FAM13A: variants seen among roughly 807,000 people sequenced by gnomAD.
The protein encoded by FAM13A is family with sequence similarity 13 member A.
A neutral mutation model predicts 129.6 loss-of-function variants in FAM13A; 76 were observed. The ratio of observed to expected loss-of-function variants is 0.59; its 90% CI spans 0.49 to 0.71. The LOEUF is 0.71. Among genes scored for constraint, FAM13A ranks in the 30% least tolerant of loss-of-function variants. The probability of loss-of-function intolerance (pLI) is 0.00; values close to 1 mark genes in which losing one functional copy is unlikely to be tolerated. For synonymous variants in FAM13A, 443 were observed against 449.9 expected, an observed-to-expected ratio of 0.98 and a Z score of 0.20; for missense variants, 1,108 against 1,249.3, an observed-to-expected ratio of 0.89 and a Z score of 1.70.
intron 6 of FAM13A, among the ~76,000 whole-genome samples, chr4:88,898,093 T>C (rs550481313): frequency 1.8e-4 from 28 of 152,252 alleles, no homozygotes; most frequent in African/African-American, 6.7e-4. Flanking sequence ...ATAAATAACA[T>C]GTTAGAAATG....
intron 4 of FAM13A, among the ~76,000 whole-genome samples, chr4:88,987,892 T>C (rs1376874448): frequency 2.1e-5 from 3 of 146,276 alleles, no homozygotes; most frequent in East Asian, 2.0e-4. Context: ...ATATGACTTA[T>C]AGATTATAGT....
intron 13 of FAM13A, among the ~76,000 whole-genome samples, chr4:88,760,822 C>T (rs1744674938): frequency 6.6e-6 from 1 of 151,386 alleles, no homozygotes; most frequent in Admixed American, 6.6e-5. Context: ...AGTTACCAAT[C>T]ATGAGTGTGC....
intron 8 of FAM13A, among the ~76,000 whole-genome samples, chr4:88,795,723 C>T (rs1561013794): frequency 1.3e-5 from 2 of 151,654 alleles, no homozygotes; most frequent in East Asian, 1.9e-4. Flanking sequence ...GTTGGCTATA[C>T]CTCTAGTTAT....
At position 88,732,085 on chromosome 4, in the gene FAM13A, A is replaced by G. The variant is rs748980488; in HGVS notation, c.2760T>C (p.Asp920=). Residue 920 remains aspartate, a synonymous_variant, in exon 22 of 24, where the codon GAT becomes GAC. Transcript: ENST00000264344. ...CFLDQFEDDA[D]GFISPMDDKI... ...TATCATCCATTGGGGAAATAAATCC[A>G]TCAGCGTCATCTTCGAATTGGTCCA... 3.1e-6 allele frequency: 5 copies of G among 1,613,932 alleles called. No homozygotes were observed. Among genetic ancestry groups the G allele is most frequent in the African/African-American group, 1.3e-5 (1 of 74,916 alleles).
intron 5 of FAM13A, among the ~76,000 whole-genome samples, chr4:88,908,026 G>T (rs1353048904): frequency 6.6e-6 from 1 of 152,240 alleles, no homozygotes; most frequent in African/African-American, 2.4e-5. Flanking sequence ...ATGCATAGGG[G>T]ATTGGAAGCC....
chr4:88,913,310 G>A (rs1749465416), intron 5 of FAM13A, among the ~76,000 whole-genome samples: 1 of 143,098 alleles, frequency 7.0e-6, no homozygotes, highest in Non-Finnish European at 1.5e-5. Flanking sequence ...GGAAGAGGAA[G>A]AGGAAGAAGA....
At chr4:89,018,522 A>T (rs1292030339) in intron 3 of FAM13A, among the ~76,000 whole-genome samples, 2 of 152,228 alleles carry the variant, frequency 1.3e-5, no homozygotes, top group Non-Finnish European at 2.9e-5. Context: ...AGATAAAAAT[A>T]AAGGTTGTGA....
chr4:89,015,959 T>G (rs954601820), intron 3 of FAM13A, among the ~76,000 whole-genome samples: 5 of 152,104 alleles, frequency 3.3e-5, no homozygotes, highest in Admixed American at 2.6e-4. Context: ...CTCATACACA[T>G]ATACATACAT....
intron 1 of FAM13A, among the ~76,000 whole-genome samples, chr4:89,038,941 C>A (rs1231037498): frequency 5.3e-5 from 8 of 152,154 alleles, no homozygotes; most frequent in Non-Finnish European, 1.0e-4. Flanking sequence ...GCAATTATAT[C>A]TGGCTATAAT....
intron 8 of FAM13A, among the ~76,000 whole-genome samples, chr4:88,802,166 A>C (rs987077443): frequency 1.3e-5 from 2 of 152,108 alleles, no homozygotes; most frequent in Admixed American, 6.5e-5. Context: ...AACATTCTCC[A>C]CCTTAAGTGT....
intron 7 of FAM13A, among the ~76,000 whole-genome samples, chr4:88,832,122 A>T (rs1404850700): frequency 2.0e-5 from 3 of 152,218 alleles, no homozygotes; most frequent in Admixed American, 2.0e-4. Context: ...ACCTGACAAA[A>T]GCAAGCAATG....
intron 11 of FAM13A, chr4:88,768,261 A>G (rs1746086789): frequency 2.4e-6 from 1 of 419,432 alleles, no homozygotes; most frequent in Non-Finnish European, 4.3e-6. Context: ...TTGAACTTCT[A>G]ACATCCTTTT....
chr4:88,985,447 C>T (rs78681184), intron 4 of FAM13A, among the ~76,000 whole-genome samples: 9,108 of 152,114 alleles, frequency 0.06, 368 homozygotes, highest in Non-Finnish European at 0.095. Context: ...GCAAATTGTA[C>T]GGTATATAAA....
chr4:88,788,496 A>G (rs553792112), intron 9 of FAM13A, among the ~76,000 whole-genome samples: 8 of 152,314 alleles, frequency 5.3e-5, no homozygotes, highest in African/African-American at 1.9e-4. Flanking sequence ...CCTAACCTCT[A>G]TTCAATTAAA....
In FAM13A at chr4:88,760,330, C is replaced by T. The variant is rs1480067228; in HGVS notation, c.1579-1429G>A. On this transcript the variant is annotated intron_variant, in intron 13 of 23. Transcript: ENST00000264344. ...CTTATAGAAATGCCAAGTGGCCGGG[C>T]GCGGTGGCTCACGCCTGTAATCCCA... Among the ~76,000 whole-genome samples, 2 of 28,776 alleles carry T rather than the reference C, an allele frequency of 7.0e-5. 1 individual carries two copies. The highest frequency in any genetic ancestry group is 3.9e-4 in the Non-Finnish European group (2 of 5,146). The allele number at this position is 28,776 out of a possible 152,430, so 18.9% of individuals were successfully genotyped here.
intron 7 of FAM13A, among the ~76,000 whole-genome samples, chr4:88,825,760 A>G (rs977894165): frequency 1.3e-5 from 2 of 152,314 alleles, no homozygotes; most frequent in Admixed American, 1.3e-4. Context: ...TTTCACATAT[A>G]TTTCCTAATA....
At chr4:88,753,053 TGAC>T (rs1344893454) in intron 14 of FAM13A, among the ~76,000 whole-genome samples, 1 of 152,224 alleles carries the variant, frequency 6.6e-6, no homozygotes, top group Non-Finnish European at 1.5e-5. Context: ...CTGGTTAGTT[TGAC>T]ATTTCTATTC....
rs559516336 is a variant in FAM13A at position 89,050,078 on chromosome 4, C to G, written c.27+6860G>C. Reference sequence around the variant, plus strand: ...AGTTGAACAGATGGTCAGATATTACCTAAAATCTATCAAGACAGCACCACA... The same window carrying G: ...AGTTGAACAGATGGTCAGATATTACGTAAAATCTATCAAGACAGCACCACA... On this transcript the variant is annotated intron_variant, in intron 1 of 23. Coordinates refer to ENST00000264344, the MANE Select transcript of FAM13A (RefSeq NM_014883.4). 1.2e-4 allele frequency among the ~76,000 whole-genome samples: 19 copies of G among 152,268 alleles called. No individual in the cohort carries two copies. In the South Asian group the frequency reaches 3.9e-3, roughly 32 times the overall value.
chr4:88,767,742 CAA>C, intron 12 of FAM13A, 147 bp from the exon 13 acceptor site: 2 of 730,232 alleles, frequency 2.7e-6, no homozygotes, highest in South Asian at 4.3e-5. Context: ...AAACACAAAA[CAA>C]AAAATTAATC....
Sources: gnomAD v4.1 joint callset for allele counts (sites outside exome capture counted in the v4.1 genomes callset) on GRCh38, gnomAD v4.1.1 for gene constraint, MANE v1.5 for transcripts, NCBI Gene and HGNC (gene_info 2026-07-23, HGNC 2026-07-21) for gene names.